MYRIP: variants seen among roughly 807,000 people sequenced by gnomAD.
MYRIP encodes the protein rab effector MyRIP.
A neutral mutation model predicts 98.0 loss-of-function variants in MYRIP; 49 were observed. The ratio of observed to expected loss-of-function variants is 0.50; its 90% confidence interval spans 0.40 to 0.63. The LOEUF (loss-of-function observed/expected upper bound fraction) is 0.63, where lower values mean the gene tolerates loss of function less well. Among genes scored for constraint, MYRIP ranks in the 30% least tolerant of loss-of-function variants. The probability of loss-of-function intolerance (pLI) is 0.00; values close to 1 mark genes in which losing one functional copy is unlikely to be tolerated. For synonymous variants in MYRIP, 404 were observed against 409.5 expected (o/e 0.99, Z 0.16); for missense variants, 1,004 against 1,058.2 (o/e 0.95, Z 0.71).
chr3:39,870,100 G>A (rs1403299620), intron 1 of MYRIP, among the ~76,000 whole-genome samples: 1 of 152,002 alleles, frequency 6.6e-6, no homozygotes, highest in African/African-American at 2.4e-5. Flanking sequence ...CACATCCAGG[G>A]CAAGGGCAAG....
intron 2 of MYRIP, among the ~76,000 whole-genome samples, chr3:40,010,578 G>C (rs1167004021): frequency 1.3e-5 from 2 of 152,228 alleles, no homozygotes; most frequent in Non-Finnish European, 2.9e-5. Flanking sequence ...TCCATGTAAA[G>C]ATAGATGCTT....
At chr3:40,153,781 T>G (rs1391841908) in intron 4 of MYRIP, among the ~76,000 whole-genome samples, 2 of 152,164 alleles carry the variant, frequency 1.3e-5, no homozygotes, top group Non-Finnish European at 2.9e-5. Context: ...TCCAGGACTC[T>G]CAGTGTAAAA....
intron 3 of MYRIP, chr3:40,100,139 G>C: frequency 1.0e-6 from 1 of 985,422 alleles, no homozygotes; most frequent in South Asian, 4.7e-5. Flanking sequence ...TGAGGACATG[G>C]AGTGAAGATT....
intron 1 of MYRIP, among the ~76,000 whole-genome samples, chr3:39,874,947 T>A (rs1942937788): frequency 6.6e-6 from 1 of 152,218 alleles, no homozygotes; most frequent in African/African-American, 2.4e-5. Context: ...TCAGGTAGAA[T>A]TCGGCTGTGA....
At chr3:39,864,026 TAAAC>T (rs1274153219) in intron 1 of MYRIP, among the ~76,000 whole-genome samples, 1 of 152,184 alleles carries the variant, frequency 6.6e-6, no homozygotes, top group Non-Finnish European at 1.5e-5. Context: ...ATTTATCACA[TAAAC>T]AGAACTAAAA....
At chr3:40,177,086 A>G (rs1950784285) in intron 8 of MYRIP, among the ~76,000 whole-genome samples, 1 of 151,764 alleles carries the variant, frequency 6.6e-6, no homozygotes, top group Non-Finnish European at 1.5e-5. Flanking sequence ...AAAAAAAAAA[A>G]AATGTCAGAA....
intron 2 of MYRIP, among the ~76,000 whole-genome samples, chr3:39,916,696 A>T (rs1362962762): frequency 6.6e-6 from 1 of 152,068 alleles, no homozygotes; most frequent in East Asian, 1.9e-4. Flanking sequence ...TTGTAATCTT[A>T]TTGGGTTTAT....
intron 2 of MYRIP, among the ~76,000 whole-genome samples, chr3:39,935,433 G>A (rs1462665928): frequency 1.3e-5 from 2 of 152,116 alleles, no homozygotes; most frequent in African/African-American, 2.4e-5. Context: ...CAATTACAAG[G>A]TCAGGAACCC....
At chr3:40,198,009 G>C (rs1368519364) in intron 10 of MYRIP, among the ~76,000 whole-genome samples, 2 of 152,074 alleles carry the variant, frequency 1.3e-5, no homozygotes, top group African/African-American at 4.8e-5. Flanking sequence ...CCACAGTATT[G>C]AATACAGAGA....
At chr3:40,192,223 A>T (rs1161043617) in intron 10 of MYRIP, among the ~76,000 whole-genome samples, 1 of 142,448 alleles carries the variant, frequency 7.0e-6, no homozygotes, top group Admixed American at 7.1e-5. Flanking sequence ...CCCAAAGTGC[A>T]GGATTACAGG....
At chr3:40,224,917 A>G (rs1053691351) in intron 11 of MYRIP, among the ~76,000 whole-genome samples, 7 of 152,208 alleles carry the variant, frequency 4.6e-5, no homozygotes, top group African/African-American at 1.7e-4. Context: ...GTTCATGGAG[A>G]ATGTATTTTG....
At chr3:40,167,082 A>C in intron 6 of MYRIP, 77 bp from the exon 7 acceptor site, 2 of 1,475,290 alleles carry the variant, frequency 1.4e-6, no homozygotes, top group Middle Eastern at 3.5e-4. Flanking sequence ...TTTTGTGGTC[A>C]GGACTCTCCT....
At chr3:39,894,831 T>TA (rs1460212948) in intron 1 of MYRIP, among the ~76,000 whole-genome samples, 5 of 152,244 alleles carry the variant, frequency 3.3e-5, no homozygotes, top group African/African-American at 4.8e-5. Context: ...AGAAGATTCT[T>TA]ACGCAGATTG....
At chr3:40,225,756 C>T (rs904101118) in intron 11 of MYRIP, among the ~76,000 whole-genome samples, 1 of 152,178 alleles carries the variant, frequency 6.6e-6, no homozygotes, top group African/African-American at 2.4e-5. Context: ...GTGCTTCCCT[C>T]CTTGCTTCTT....
chr3:40,246,182 T>A (rs571153629), intron 13 of MYRIP, among the ~76,000 whole-genome samples: 4 of 152,088 alleles, frequency 2.6e-5, no homozygotes, highest in Non-Finnish European at 5.9e-5. Flanking sequence ...GGGTTTTTTT[T>A]TCGGCCAAGA....
At chr3:39,923,097 G>C (rs1944339991) in intron 2 of MYRIP, among the ~76,000 whole-genome samples, 2 of 151,916 alleles carry the variant, frequency 1.3e-5, no homozygotes, top group South Asian at 4.2e-4. Context: ...CAGAACAGAA[G>C]AAAAAAATCA....
At chr3:39,938,174 G>A (rs146578552) in intron 2 of MYRIP, among the ~76,000 whole-genome samples, 2 of 152,236 alleles carry the variant, frequency 1.3e-5, no homozygotes, top group East Asian at 1.9e-4. Flanking sequence ...CAAGGATAAT[G>A]CCAGCCTTGA....
rs1480219077 is a variant in MYRIP at position 40,176,882 on chromosome 3, C to T, written c.874-5338C>T. The stretch of plus-strand genomic sequence containing the variant: ...CGAGATCACACCATTGCACTGCAGC[C>T]TGGGCAACAAGAGCAAACTCCATCT... On this transcript the variant is annotated intron_variant, in intron 8 of 16. Transcript: ENST00000302541. Among the ~76,000 whole-genome samples the T allele has an allele frequency of 3.1e-5, 4 of 129,970 alleles. No individual in the cohort carries two copies. In the Admixed American group the frequency reaches 3.6e-4, roughly 12 times the overall value. The allele number at this position is 129,970 out of a possible 152,430, so 85.3% of individuals were successfully genotyped here. A position where few individuals can be genotyped will look rare whatever the true frequency, so the allele number is the denominator to read the frequency against.
At chr3:39,879,874 C>A (rs1334000166) in intron 1 of MYRIP, among the ~76,000 whole-genome samples, 2 of 152,102 alleles carry the variant, frequency 1.3e-5, no homozygotes, top group African/African-American at 4.8e-5. Flanking sequence ...CTCTGGGACT[C>A]CTTTCTTTCT....
Sources: allele counts gnomAD v4.1 joint callset (sites outside exome capture counted in the v4.1 genomes callset), GRCh38; gene constraint gnomAD v4.1.1; transcripts MANE v1.5; gene names NCBI Gene and HGNC (gene_info 2026-07-23, HGNC 2026-07-21).